Variants in MAPK6 observed in about 807,000 individuals in gnomAD.
MAPK6 encodes ERK-3.
Under a neutral mutation model 59.3 loss-of-function variants are expected in MAPK6, and 19 were observed. The ratio of observed to expected loss-of-function variants is 0.32; its 90% CI spans 0.22 to 0.47. The LOEUF is 0.47. Among genes scored for constraint, MAPK6 ranks in the 20% least tolerant of loss-of-function variants. The pLI, the probability that MAPK6 is intolerant of heterozygous loss-of-function variation, is 1.00. For synonymous variants in MAPK6, 316 were observed against 290.3 expected (o/e 1.09, Z -0.90); for missense variants, 724 against 847.9 (o/e 0.85, Z 1.81).
chr15:52,061,014 G>C (rs970823716), intron 4 of MAPK6, among the ~76,000 whole-genome samples: 1 of 152,122 alleles, frequency 6.6e-6, no homozygotes, highest in African/African-American at 2.4e-5. Context: ...ATATTAGGCC[G>C]GGATTACAGG....
intron 1 of MAPK6, among the ~76,000 whole-genome samples, chr15:52,036,439 G>A (rs928622821): frequency 2.0e-5 from 3 of 152,180 alleles, no homozygotes; most frequent in East Asian, 1.9e-4. Flanking sequence ...CCATGGTGCC[G>A]GCATCTGGTG....
At chr15:51,991,146 TATACACACACACAC>T (rs1180295475) in intron 2 of MAPK6, among the ~76,000 whole-genome samples, 2 of 120,370 alleles carry the variant, frequency 1.7e-5, no homozygotes, top group East Asian at 2.5e-4. Flanking sequence ...AATATATATA[TATACACACACACAC>T]ACACACACAC....
At chr15:52,015,106 T>C (rs150426014), upstream of MAPK6, among the ~76,000 whole-genome samples, 3,009 of 152,156 alleles carry the variant, frequency 0.02, 116 homozygotes, top group Non-Finnish European at 0.018. Flanking sequence ...GTTCAAGCAA[T>C]TCTCCTGCCT....
chr15:51,975,493 A>G (rs1413686962), intron 1 of MAPK6, among the ~76,000 whole-genome samples: 3 of 151,756 alleles, frequency 2.0e-5, no homozygotes, highest in South Asian at 4.2e-4. Flanking sequence ...GTGAGCCAAG[A>G]TCGCGCCACT....
chr15:52,063,695 A>G (rs2032297778), intron 5 of MAPK6, among the ~76,000 whole-genome samples: 1 of 152,230 alleles, frequency 6.6e-6, no homozygotes, highest in African/African-American at 2.4e-5. Flanking sequence ...TTGGAAATGA[A>G]GTTACATACT....
At chr15:52,053,730 C>T (rs963719729) in intron 3 of MAPK6, among the ~76,000 whole-genome samples, 26 of 152,090 alleles carry the variant, frequency 1.7e-4, no homozygotes, top group African/African-American at 4.3e-4. Flanking sequence ...GTCTCTCCCT[C>T]CTGGGTTCAA....
chr15:52,049,438 C>T (rs533825802), intron 2 of MAPK6, among the ~76,000 whole-genome samples: 1 of 150,812 alleles, frequency 6.6e-6, no homozygotes, highest in African/African-American at 2.4e-5. Flanking sequence ...AGTGATCCTC[C>T]CACCTCAGCC....
exon 1 of MAPK6, chr15:51,971,863 C>T (rs1372341906): frequency 5.4e-6 from 6 of 1,109,636 alleles, no homozygotes; most frequent in African/African-American, 1.5e-5. Context: ...CCTTTCCTTA[C>T]GTGACCTAGT....
At chr15:52,016,062 G>GCACACACACA (rs1299801695), upstream of MAPK6, among the ~76,000 whole-genome samples, 20 of 59,148 alleles carry the variant, frequency 3.4e-4, no homozygotes, top group Non-Finnish European at 5.1e-4. Context: ...TCGCGCGCGC[G>GCACACACACA]CGCGCGCGCA....
chr15:52,051,809 G>T (rs1423048265), intron 3 of MAPK6, among the ~76,000 whole-genome samples: 1 of 151,984 alleles, frequency 6.6e-6, no homozygotes, highest in Non-Finnish European at 1.5e-5. Flanking sequence ...GGGAGGCAGA[G>T]GTTGCAGTGA....
At chr15:52,033,659 G>C (rs1328354081) in intron 1 of MAPK6, 1 of 152,118 alleles carries the variant, frequency 6.6e-6, no homozygotes, top group African/African-American at 2.4e-5. Flanking sequence ...GGCTTGACGT[G>C]GGACTTCTTC....
intron 2 of MAPK6, among the ~76,000 whole-genome samples, chr15:51,999,937 C>A (rs1345893185): frequency 6.6e-6 from 1 of 152,004 alleles, no homozygotes; most frequent in Non-Finnish European, 1.5e-5. Flanking sequence ...AGCCACCATG[C>A]CTGACCTATA....
chr15:52,032,987 C>CT (rs1310403646), intron 1 of MAPK6, among the ~76,000 whole-genome samples: 15 of 151,608 alleles, frequency 9.9e-5, no homozygotes, highest in Admixed American at 5.9e-4. Flanking sequence ...GCCCGGCCTC[C>CT]TTTTTTTTAA....
intron 1 of MAPK6, 36 bp downstream of exon 1, chr15:52,019,412 GC>G (rs1358881550): frequency 2.0e-5 from 3 of 149,134 alleles, no homozygotes; most frequent in Non-Finnish European, 4.5e-5. Context: ...GGGTGCGCCG[GC>G]GGGGCGGCTC....
intron 1 of MAPK6, among the ~76,000 whole-genome samples, chr15:51,974,572 T>C (rs934554822): frequency 1.5e-5 from 2 of 135,376 alleles, no homozygotes; most frequent in Non-Finnish European, 1.5e-5. Context: ...GGCAGGAGAA[T>C]GGCATGAACC....
intron 1 of MAPK6, among the ~76,000 whole-genome samples, chr15:52,038,250 AATGG>A (rs1456530860): frequency 6.6e-6 from 1 of 152,092 alleles, no homozygotes. Flanking sequence ...AATGAAACGT[AATGG>A]ATGGATGGGA....
chr15:52,008,212 G>T (rs2029956256), intron 3 of MAPK6, among the ~76,000 whole-genome samples: 1 of 152,126 alleles, frequency 6.6e-6, no homozygotes, highest in South Asian at 2.1e-4. Context: ...TGAGGAGTAA[G>T]AAAGTACTGA....
intron 2 of MAPK6, among the ~76,000 whole-genome samples, chr15:51,998,267 C>G (rs1292883108): frequency 6.6e-6 from 1 of 150,666 alleles, no homozygotes; most frequent in Non-Finnish European, 1.5e-5. Context: ...AGTGGTAGCA[C>G]AATCTCGGCT....
intron 1 of MAPK6, chr15:52,042,722 G>T (rs1222822074): frequency 6.6e-6 from 1 of 152,142 alleles, no homozygotes; most frequent in Admixed American, 6.5e-5. Context: ...AGAACTTGGA[G>T]ATCTTACTGT....
Sources: allele counts gnomAD v4.1 joint callset (sites outside exome capture counted in the v4.1 genomes callset), GRCh38; gene constraint gnomAD v4.1.1; transcripts MANE v1.5; gene names NCBI Gene and HGNC (gene_info 2026-07-23, HGNC 2026-07-21).